Variants in UGT2B7 observed in about 807,000 individuals in gnomAD.
The protein encoded by UGT2B7 is UDP-glucuronosyltransferase 2B7.
In UGT2B7, 51 loss-of-function variants were observed where a neutral mutation model predicts 51.9. The ratio of observed to expected loss-of-function variants is 0.98; its 90% confidence interval spans 0.78 to 1.24. UGT2B7 has a LOEUF of 1.24. UGT2B7 is among the 50% of genes most tolerant of loss of function. The pLI is 0.00. For missense variants in UGT2B7, 727 were observed against 628.4 expected, an observed-to-expected ratio of 1.16 and a Z score of -1.68; for synonymous variants, 225 against 211.6, an observed-to-expected ratio of 1.06 and a Z score of -0.55.
chr4:69,077,578 C>CT (rs140868340), intron 1 of UGT2B7, among the ~76,000 whole-genome samples: 55,626 of 148,428 alleles, frequency 0.37, 10,632 homozygotes, highest in East Asian at 0.56. Context: ...TGATTTGGCT[C>CT]TCTTTTTTTT....
chr4:69,074,864 C>A (rs771624380), intron 1 of UGT2B7, among the ~76,000 whole-genome samples: 2 of 152,024 alleles, frequency 1.3e-5, no homozygotes, highest in East Asian at 1.9e-4. Context: ...TTATACTAGG[C>A]TGTATATGTC....
At chr4:69,065,309 T>G (rs1276669318) in intron 1 of UGT2B7, among the ~76,000 whole-genome samples, 1 of 152,194 alleles carries the variant, frequency 6.6e-6, no homozygotes, top group East Asian at 1.9e-4. Context: ...CTTGGTGGAC[T>G]GGATTTGGCC....
At chr4:69,062,371 C>CATGCAAAAAGTATATGGCT (rs1278042264) in intron 1 of UGT2B7, among the ~76,000 whole-genome samples, 2 of 152,180 alleles carry the variant, frequency 1.3e-5, no homozygotes, top group Non-Finnish European at 2.9e-5. Flanking sequence ...TAGATATGGC[C>CATGCAAAAAGTATATGGCT]ATGCAAAAAG....
intron 1 of UGT2B7, among the ~76,000 whole-genome samples, chr4:69,058,800 G>C (rs528211353): frequency 6.6e-6 from 1 of 152,314 alleles, no homozygotes; most frequent in African/African-American, 2.4e-5. Flanking sequence ...TAAGAAAAAG[G>C]CTGATTGGCT....
chr4:69,058,660 GGGGATATCA>G (rs1196487780), intron 1 of UGT2B7, among the ~76,000 whole-genome samples: 3 of 152,148 alleles, frequency 2.0e-5, no homozygotes, highest in South Asian at 2.1e-4. Flanking sequence ...GCAGGCCCAG[GGGGATATCA>G]GGCAAAAATT....
chr4:69,112,631 G>T lies in UGT2B7; in HGVS notation c.1485G>T (p.Gly495=), dbSNP rs774185288. ...AGTACCACTCTTTGGATGTGATTGG[G>T]TTCCTGCTGGTCTGTGTGGCAACTG... is the stretch of plus-strand genomic sequence containing the variant. ...WFQYHSLDVI[G]FLLVCVATVI... is the part of the protein sequence containing the mutation. The change falls in exon 6 of 6, where the codon GGG becomes GGT. Residue 495 remains glycine (G), a synonymous_variant. Coordinates refer to ENST00000305231, the MANE Select transcript of UGT2B7 (RefSeq NM_001074.4). 1.9e-6 allele frequency: 3 copies of T among 1,613,898 alleles called. No individual in the cohort carries two copies. The highest frequency in any genetic ancestry group is 1.7e-5 in the Admixed American group (1 of 60,016).
At chr4:69,101,491 G>C (rs565179607) in intron 2 of UGT2B7, among the ~76,000 whole-genome samples, 1 of 151,954 alleles carries the variant, frequency 6.6e-6, no homozygotes, top group Non-Finnish European at 1.5e-5. Flanking sequence ...GGATAAATAA[G>C]GCTCTGGGCA....
At chr4:69,088,558 T>C (rs957864587) in intron 1 of UGT2B7, among the ~76,000 whole-genome samples, 2 of 152,174 alleles carry the variant, frequency 1.3e-5, no homozygotes, top group Non-Finnish European at 2.9e-5. Flanking sequence ...TTGCAGGTCA[T>C]AGAAAAGCTC....
chr4:69,094,220 AGCTCCGCCTCCCGG>A (rs1284156025), upstream of UGT2B7, among the ~76,000 whole-genome samples: 3 of 85,518 alleles, frequency 3.5e-5, 1 homozygote, highest in Non-Finnish European at 6.1e-5. Context: ...GCTCACTGCA[AGCTCCGCCTCCCGG>A]GTTCATGCCA....
intron 1 of UGT2B7, among the ~76,000 whole-genome samples, chr4:69,056,846 C>T (rs1376872047): frequency 1.3e-5 from 2 of 151,934 alleles, no homozygotes; most frequent in African/African-American, 4.8e-5. Context: ...GTGAGAGTCT[C>T]AAAAGGGGGG....
intron 1 of UGT2B7, among the ~76,000 whole-genome samples, chr4:69,081,997 C>T (rs1002415303): frequency 6.6e-6 from 1 of 151,984 alleles, no homozygotes; most frequent in Non-Finnish European, 1.5e-5. Flanking sequence ...ACCCATTTTG[C>T]TAATTTTCAC....
chr4:69,076,690 G>T (rs544044214), intron 1 of UGT2B7, among the ~76,000 whole-genome samples: 16 of 152,208 alleles, frequency 1.1e-4, no homozygotes, highest in African/African-American at 3.9e-4. Context: ...TTAGCCCTTT[G>T]TCAGATGGAC....
chr4:69,064,112 A>AAG (rs754723956), intron 1 of UGT2B7, among the ~76,000 whole-genome samples: 11,774 of 83,860 alleles, frequency 0.14, 1,058 homozygotes, highest in African/African-American at 0.19. Context: ...GAAAGAAAGA[A>AAG]AAAGAAAGAA....
intron 2 of UGT2B7, among the ~76,000 whole-genome samples, chr4:69,098,944 C>T (rs1446139952): frequency 1.3e-5 from 2 of 151,880 alleles, no homozygotes; most frequent in East Asian, 3.9e-4. Context: ...CTTCATTATG[C>T]AATACCTAAG....
At chr4:69,107,092 C>G in intron 3 of UGT2B7, 83 bp from the exon 4 acceptor site, 2 of 1,415,168 alleles carry the variant, frequency 1.4e-6, no homozygotes, top group South Asian at 2.5e-5. Flanking sequence ...CCCTTGATCT[C>G]ATTCCTACTC....
At chr4:69,064,094 A>AAGAAAGAAAGAGAGAGAGAGAGAG in intron 1 of UGT2B7, among the ~76,000 whole-genome samples, 1 of 84,422 alleles carries the variant, frequency 1.2e-5, no homozygotes, top group Non-Finnish European at 2.4e-5. Flanking sequence ...GAAAGAAAGA[A>AAGAAAGAAAGAGAGAGAGAGAGAG]AGAGAAAGAA....
At position 69,112,765 on chromosome 4, in the gene UGT2B7, C is replaced by A; in HGVS notation, c.*29C>A. On this transcript the variant is annotated 3_prime_UTR_variant, in exon 6 of 6. Coordinates refer to ENST00000305231, the MANE Select transcript of UGT2B7 (RefSeq NM_001074.4). ...TATCTGAGATTTGAAGCTGGAAAACCTGATAGGTGAGACTACTTCAGTTTA... is the reference window on the plus strand; with the variant it reads ...TATCTGAGATTTGAAGCTGGAAAACATGATAGGTGAGACTACTTCAGTTTA... 1 of 1,610,940 alleles carries A rather than the reference C, an allele frequency of 6.2e-7. No individual in the cohort carries two copies. The highest frequency in any genetic ancestry group is 8.5e-7 in the Non-Finnish European group (1 of 1,179,236).
intron 2 of UGT2B7, among the ~76,000 whole-genome samples, chr4:69,090,451 ACTT>A (rs1719061532): frequency 6.9e-6 from 1 of 144,954 alleles, no homozygotes; most frequent in Admixed American, 7.1e-5. Flanking sequence ...ATTCTAAGTA[ACTT>A]CTTTTTCTTT....
At chr4:69,093,526 A>G (rs1719137037), upstream of UGT2B7, among the ~76,000 whole-genome samples, 1 of 152,072 alleles carries the variant, frequency 6.6e-6, no homozygotes, top group African/African-American at 2.4e-5. Flanking sequence ...CTAACCTTCC[A>G]CTTTGCAAGA....
Sources: gnomAD v4.1 joint callset for allele counts (sites outside exome capture counted in the v4.1 genomes callset) on GRCh38, gnomAD v4.1.1 for gene constraint, MANE v1.5 for transcripts, NCBI Gene and HGNC (gene_info 2026-07-23, HGNC 2026-07-21) for gene names.